The following DNAJC11 variants were observed in gnomAD, a reference collection of about 807,000 sequenced individuals.
The protein encoded by DNAJC11 is dnaJ homolog subfamily C member 11.
DNAJC11 carries 15 observed loss-of-function variants against 78.6 expected under a neutral mutation model. The observed-to-expected ratio is 0.19, with a 90% CI of 0.13 to 0.29. DNAJC11 has a LOEUF of 0.29. Ranked by LOEUF, DNAJC11 falls within the 10% of genes least tolerant of loss-of-function variation. The pLI, the probability that DNAJC11 is intolerant of heterozygous loss-of-function variation, is 1.00. For missense variants in DNAJC11, 547 were observed against 709.6 expected, an observed-to-expected ratio of 0.77 and a Z score of 2.60; for synonymous variants, 292 against 272.1, an observed-to-expected ratio of 1.07 and a Z score of -0.72.
chr1:6,675,064 G>A (rs1642440037), intron 3 of DNAJC11, among the ~76,000 whole-genome samples: 1 of 152,160 alleles, frequency 6.6e-6, no homozygotes, highest in South Asian at 2.1e-4. Context: ...TCCTCATATG[G>A]AACAATCCAT....
intron 3 of DNAJC11, chr1:6,670,854 G>A (rs1570295341): frequency 6.6e-6 from 1 of 152,114 alleles, no homozygotes; most frequent in East Asian, 1.9e-4. Context: ...ATAGACAAAA[G>A]CAAGGTACAA....
chr1:6,645,180 G>C lies in DNAJC11; in HGVS notation c.895-54C>G. On this transcript the variant is annotated intron_variant, in intron 8 of 15. Transcript: ENST00000377577. This position sits in a 1 kb window ranked among gnomAD's most constrained non-coding sequence, Gnocchi z 4.1. ...TGGCTAGGGCGTGTGACTCTGTGGG[G>C]AGATGGGTATCTGCCCTCCCACTAG... 17 of 1,380,422 alleles carry C rather than the reference G, an allele frequency of 1.2e-5. No homozygotes were observed. Among genetic ancestry groups the C allele is most frequent in the Non-Finnish European group, 1.6e-5 (16 of 970,730 alleles). The allele number at this position is 1,380,422 out of a possible 1,614,324, so 85.5% of individuals were successfully genotyped here.
chr1:6,648,708 G>C (rs1033707148), intron 7 of DNAJC11, among the ~76,000 whole-genome samples: 11 of 152,058 alleles, frequency 7.2e-5, no homozygotes, highest in African/African-American at 2.7e-4. Context: ...CGTCTCACCT[G>C]GCCTCCTAAA....
rs1641864788 is a variant in DNAJC11, at chr1:6,640,910, T to C, written c.1098-853A>G. Among the ~76,000 whole-genome samples the C allele has an allele frequency of 1.3e-5, 2 of 152,238 alleles. 1 individual carries two copies. The highest frequency in any genetic ancestry group is 6.8e-3 in the Middle Eastern group (2 of 294). On this transcript the variant is annotated intron_variant, in intron 10 of 15. Transcript: ENST00000377577. The stretch of plus-strand genomic sequence containing the variant: ...CAGTGAGGAAAAGGAAATTTACAGA[T>C]GCAAGAAGTTTAGGAAACCCCAAGC...
intron 1 of DNAJC11, among the ~76,000 whole-genome samples, chr1:6,690,516 C>G (rs968618790): frequency 2.6e-5 from 4 of 152,206 alleles, no homozygotes; most frequent in Non-Finnish European, 4.4e-5. Context: ...TTCACAATGA[C>G]CCCTTTTGAA....
chr1:6,687,450 G>A (rs936180523), intron 1 of DNAJC11, among the ~76,000 whole-genome samples: 25 of 147,206 alleles, frequency 1.7e-4, no homozygotes, highest in Non-Finnish European at 3.1e-4. Context: ...TCCGCCTCCC[G>A]GGTTCATGCC....
rs1641743067 is a variant in DNAJC11 at position 6,635,388 on chromosome 1, A to C, written c.*287T>G. On this transcript the variant is annotated 3_prime_UTR_variant, in exon 16 of 16. Transcript: ENST00000377577. Reference sequence around the variant, plus strand: ...TGCGGTCAGCACGTGTGCTCGGGACACAGCGGAGTCAGGGCCAGAGCCCTT... The same window carrying C: ...TGCGGTCAGCACGTGTGCTCGGGACCCAGCGGAGTCAGGGCCAGAGCCCTT... The C allele has an allele frequency of 1.3e-5, 5 of 392,136 alleles. No individual in the cohort carries two copies. The South Asian group carries it at 1.4e-4, about 11-fold the overall frequency. The allele number at this position is 392,136 out of a possible 1,614,324, so 24.3% of individuals were successfully genotyped here.
At chr1:6,696,058 C>T (rs961836651) in intron 1 of DNAJC11, among the ~76,000 whole-genome samples, 3 of 152,196 alleles carry the variant, frequency 2.0e-5, no homozygotes, top group African/African-American at 7.2e-5. Context: ...ATTCTTGCTT[C>T]TCAGCCTCTT....
intron 4 of DNAJC11, among the ~76,000 whole-genome samples, chr1:6,663,058 G>T (rs6577589): frequency 0.34 from 51,935 of 151,870 alleles, 9,289 homozygotes; most frequent in African/African-American, 0.42. Context: ...ATGCCTGGCC[G>T]ATACATCATT....
chr1:6,644,554 T>C lies in DNAJC11; in HGVS notation c.1097+4A>G, dbSNP rs1557467864. 6.2e-7 allele frequency: 1 copy of C among 1,609,164 alleles called. No homozygotes were observed. The highest frequency in any genetic ancestry group is 8.5e-7 in the Non-Finnish European group (1 of 1,175,468). On this transcript the variant is annotated splice_donor_region_variant and intron_variant, in intron 10 of 15. Coordinates refer to ENST00000377577, the MANE Select transcript of DNAJC11 (RefSeq NM_018198.4). ...TTGACCCGAAAGGCCTAAGTTCAAC[T>C]TACTTGACTTTGAGAGAAACACCCT...
chr1:6,672,601 C>G (rs1046981351), intron 3 of DNAJC11, among the ~76,000 whole-genome samples: 1 of 152,190 alleles, frequency 6.6e-6, no homozygotes, highest in African/African-American at 2.4e-5. Context: ...AAATGGCCAG[C>G]CTTTCTGGAG....
At chr1:6,635,781 C>T in intron 15 of DNAJC11, 81 bp from the exon 16 acceptor site, 1 of 1,531,418 alleles carries the variant, frequency 6.5e-7, no homozygotes, top group Non-Finnish European at 9.0e-7. Context: ...TCAGCAGTCA[C>T]CCGGACCAGC....
intron 12 of DNAJC11, chr1:6,637,921 G>A: frequency 2.6e-6 from 1 of 389,354 alleles, no homozygotes; most frequent in South Asian, 3.3e-5. Context: ...ATTCTGCTGG[G>A]CATAGCTGTG....
At chr1:6,690,253 T>C (rs1044161141) in intron 1 of DNAJC11, among the ~76,000 whole-genome samples, 2 of 152,146 alleles carry the variant, frequency 1.3e-5, no homozygotes, top group African/African-American at 4.8e-5. Context: ...AAGTAACCAA[T>C]AAAAGCCTTC....
chr1:6,686,204 CTTAAGAATGTAAAGGATAACA>C (rs559655583), intron 1 of DNAJC11, among the ~76,000 whole-genome samples: 331 of 152,080 alleles, frequency 2.2e-3, no homozygotes, highest in Non-Finnish European at 3.6e-3. Flanking sequence ...AACTTAATAA[CTTAAGAATGTAAAGGATAACA>C]TTAAGAATGT....
chr1:6,670,009 G>A lies in DNAJC11; in HGVS notation c.277-2199C>T, dbSNP rs543004168. 4.0e-5 allele frequency among the ~76,000 whole-genome samples: 6 copies of A among 151,030 alleles called. No individual in the cohort carries two copies. The East Asian group carries it at 5.9e-4, about 15-fold the overall frequency. On this transcript the variant is annotated intron_variant, in intron 3 of 15. Coordinates refer to ENST00000377577, the MANE Select transcript of DNAJC11 (RefSeq NM_018198.4). ...TGCTTTGTCGCCCAGGCTGGAGTGC[G>A]GTGGTGCGATCTCAGCTCACTGCAA... is the stretch of plus-strand genomic sequence containing the variant.
rs745592352 is a variant in DNAJC11, at chr1:6,637,202, G to C, written c.1520C>G (p.Ser507Cys). 1 of 1,614,144 alleles carries C rather than the reference G, an allele frequency of 6.2e-7. No homozygotes were observed. The highest frequency in any genetic ancestry group is 1.1e-5 in the South Asian group (1 of 91,076). The change falls in exon 14 of 16, where the codon TCC (serine) becomes TGC (cysteine). Residue 507 changes from serine (S) to cysteine (C), a missense_variant. Transcript: ENST00000377577. ...TGGTGGCTGGTGCTGCTGTACCTTG[G>C]AGGCCTCCGTGAGGATGAGCTTCGA... is the stretch of plus-strand genomic sequence containing the variant. ...KDSKLILTEASKAGLPGFYDP... is the reference protein window; with the variant it reads ...KDSKLILTEACKAGLPGFYDP...
In DNAJC11 at chr1:6,692,047, C is replaced by T. The variant is rs185636120; in HGVS notation, c.72+9682G>A. On this transcript the variant is annotated intron_variant, in intron 1 of 15. Transcript: ENST00000377577. ...AGCAAAGCATGTTGCTCTCATGTCC[C>T]GTTTTCCATTGTTTTATTACTAAAT... Among the ~76,000 whole-genome samples the T allele has an allele frequency of 3.5e-3, 527 of 152,278 alleles. 5 individuals carry two copies. The highest frequency in any genetic ancestry group is 5.6e-3 in the Non-Finnish European group (380 of 68,010).
At chr1:6,641,243 G>C (rs1641870251) in intron 10 of DNAJC11, among the ~76,000 whole-genome samples, 1 of 151,638 alleles carries the variant, frequency 6.6e-6, no homozygotes, top group Non-Finnish European at 1.5e-5. Context: ...AAAATTAGCT[G>C]GGTGTGGTGG....
Sources: allele counts gnomAD v4.1 joint callset (sites outside exome capture counted in the v4.1 genomes callset), GRCh38; gene constraint gnomAD v4.1.1; non-coding constraint Gnocchi (gnomAD v3.1); transcripts MANE v1.5; gene names NCBI Gene and HGNC (gene_info 2026-07-23, HGNC 2026-07-21).